Variants in FCGR2A observed in about 807,000 individuals in gnomAD.
The protein encoded by FCGR2A is Fc gamma receptor IIa.
In FCGR2A, 18 loss-of-function variants were observed where a neutral mutation model predicts 29.3. That is an observed-to-expected ratio of 0.62 (90% confidence interval 0.43 to 0.91). FCGR2A has a LOEUF of 0.91. Ranked by LOEUF, FCGR2A falls within the 40% of genes least tolerant of loss-of-function variation. FCGR2A has a pLI of 0.00. For synonymous variants in FCGR2A, 126 were observed against 144.8 expected, an observed-to-expected ratio of 0.87 and a Z score of 0.93; for missense variants, 287 against 393.0, an observed-to-expected ratio of 0.73 and a Z score of 2.28.
At chr1:161,506,104 T>A in intron 2 of FCGR2A, 97 bp downstream of exon 2, 1 of 1,382,698 alleles carries the variant, frequency 7.2e-7, no homozygotes, top group Non-Finnish European at 1.0e-6. Context: ...TCTATTCCAC[T>A]GAAAATCAAG....
intron 6 of FCGR2A, among the ~76,000 whole-genome samples, chr1:161,514,270 A>C (rs1219143556): frequency 6.6e-6 from 1 of 150,744 alleles, no homozygotes; most frequent in East Asian, 1.9e-4. Flanking sequence ...AAGGTACCTC[A>C]CCCAAAAGAC....
rs530961520 is a variant in FCGR2A at position 161,506,087 on chromosome 1, G to A, written c.106+80G>A. 6.5e-4 allele frequency: 936 copies of A among 1,448,344 alleles called. 2 individuals carry two copies. The highest frequency in any genetic ancestry group is 1.1e-3 in the South Asian group (99 of 87,590). 89.7% of individuals were successfully genotyped at this position (1,448,344 alleles called of 1,614,324 possible). A position where few individuals can be genotyped will look rare whatever the true frequency, so the allele number is the denominator to read the frequency against. On this transcript the variant is annotated intron_variant, in intron 2 of 6. Transcript: ENST00000271450. The stretch of plus-strand genomic sequence containing the variant: ...TGCTGTGTTTGCTGGGGCGGCGGGG[G>A]GGTATGTCTATTCCACTGAAAATCA...
At chr1:161,506,757 G>T (rs1675438061) in intron 3 of FCGR2A, 166 bp downstream of exon 3, 1 of 1,291,864 alleles carries the variant, frequency 7.7e-7, no homozygotes, top group Non-Finnish European at 1.1e-6. Flanking sequence ...TGCTTAGCAT[G>T]CGTGGTGGGG....
intron 6 of FCGR2A, among the ~76,000 whole-genome samples, chr1:161,516,480 A>G (rs1450515610): frequency 1.3e-5 from 2 of 152,024 alleles, no homozygotes; most frequent in African/African-American, 4.8e-5. Context: ...ATTACTAGAT[A>G]GTTTTTAAAA....
downstream of FCGR2A, among the ~76,000 whole-genome samples, chr1:161,521,946 G>C (rs2926470): frequency 8.6e-5 from 13 of 151,832 alleles, 1 homozygote; most frequent in South Asian, 1.0e-3. Flanking sequence ...CACCACATTA[G>C]AATGTCTATT....
chr1:161,507,566 T>C (rs1675495546), intron 3 of FCGR2A, among the ~76,000 whole-genome samples: 1 of 152,236 alleles, frequency 6.6e-6, no homozygotes, highest in African/African-American at 2.4e-5. Flanking sequence ...TGTTCAACAC[T>C]GAAAGGGTGA....
intron 6 of FCGR2A, among the ~76,000 whole-genome samples, chr1:161,517,045 T>C (rs951759175): frequency 7.0e-6 from 1 of 142,658 alleles, no homozygotes; most frequent in Non-Finnish European, 1.5e-5. Context: ...CTATCTTCAG[T>C]CTACCATTTA....
chr1:161,521,600 A>G (rs547473020), downstream of FCGR2A, among the ~76,000 whole-genome samples: 8 of 152,178 alleles, frequency 5.3e-5, no homozygotes, highest in East Asian at 1.3e-3. Context: ...CCCACAACAC[A>G]TGGGAGGGAC....
At chr1:161,520,958 C>A (rs1676430158), downstream of FCGR2A, among the ~76,000 whole-genome samples, 1 of 151,378 alleles carries the variant, frequency 6.6e-6, no homozygotes. Flanking sequence ...CTTGAACGTG[C>A]CAATTATACT....
intron 5 of FCGR2A, chr1:161,513,293 C>T (rs2102477600): frequency 6.9e-6 from 1 of 145,824 alleles, no homozygotes; most frequent in African/African-American, 2.6e-5. Context: ...CCCTCCCTTC[C>T]TCCCTCCCTC....
At chr1:161,517,634 CA>C (rs1676224661) in intron 6 of FCGR2A, among the ~76,000 whole-genome samples, 1 of 151,984 alleles carries the variant, frequency 6.6e-6, no homozygotes, top group African/African-American at 2.4e-5. Context: ...CTGATTTTTC[CA>C]AAGGCCAGAT....
chr1:161,513,545 C>T, intron 5 of FCGR2A: 1 of 436,720 alleles, frequency 2.3e-6, no homozygotes, highest in South Asian at 3.8e-5. Flanking sequence ...AAAATCTGGA[C>T]TTTACTTCAC....
chr1:161,514,420 T>C (rs368433), intron 6 of FCGR2A, among the ~76,000 whole-genome samples: 10,908 of 139,040 alleles, frequency 0.078, 630 homozygotes, highest in Middle Eastern at 0.12. Context: ...TTGCTTCTTA[T>C]TCAAATGAAC....
At chr1:161,508,555 C>A (rs998952546) in intron 3 of FCGR2A, among the ~76,000 whole-genome samples, 15 of 150,060 alleles carry the variant, frequency 1.0e-4, no homozygotes, top group African/African-American at 3.2e-4. Context: ...CCATTCCACT[C>A]CAGCCTGGGC....
At chr1:161,515,465 G>C (rs472158) in intron 6 of FCGR2A, among the ~76,000 whole-genome samples, 7 of 151,956 alleles carry the variant, frequency 4.6e-5, no homozygotes, top group African/African-American at 9.7e-5. Flanking sequence ...TAGGTGTCTC[G>C]TTAGTCACTC....
intron 6 of FCGR2A, among the ~76,000 whole-genome samples, chr1:161,516,400 A>G (rs188542244): frequency 4.6e-5 from 7 of 152,142 alleles, no homozygotes; most frequent in Admixed American, 3.9e-4. Context: ...AACAGGACAT[A>G]ATTGGGCAAG....
At chr1:161,517,417 A>G (rs980724662) in intron 6 of FCGR2A, among the ~76,000 whole-genome samples, 1 of 152,118 alleles carries the variant, frequency 6.6e-6, no homozygotes, top group African/African-American at 2.4e-5. Context: ...CATAGACAGA[A>G]AAAGGTCTGA....
At chr1:161,511,102 C>A (rs1675749417) in intron 5 of FCGR2A, 146 bp downstream of exon 5, 2 of 1,311,160 alleles carry the variant, frequency 1.5e-6, no homozygotes, top group African/African-American at 1.5e-5. Context: ...TTTATTAGTT[C>A]ATCCTCAACA....
chr1:161,522,526 C>T (rs1004827326), downstream of FCGR2A, among the ~76,000 whole-genome samples: 5 of 152,024 alleles, frequency 3.3e-5, no homozygotes, highest in African/African-American at 1.2e-4. Context: ...CACGCCGGGG[C>T]ACAGAACCCC....
Sources: allele counts gnomAD v4.1 joint callset (sites outside exome capture counted in the v4.1 genomes callset), GRCh38; gene constraint gnomAD v4.1.1; transcripts MANE v1.5; gene names NCBI Gene and HGNC (gene_info 2026-07-23, HGNC 2026-07-21).